Variants in MAOB observed in about 807,000 individuals in gnomAD.
MAOB encodes amine oxidase [flavin-containing] B.
A neutral mutation model predicts 41.9 loss-of-function variants in MAOB; 15 were observed. That is an observed-to-expected ratio of 0.36 (90% confidence interval 0.24 to 0.55). The LOEUF is 0.55. Ranked by LOEUF, MAOB falls within the 20% of genes least tolerant of loss-of-function variation. The probability of loss-of-function intolerance (pLI) is 0.86; values close to 1 mark genes in which losing one functional copy is unlikely to be tolerated. For synonymous variants in MAOB, 167 were observed against 144.2 expected (o/e 1.16, Z -1.13); for missense variants, 345 against 398.7 (o/e 0.87, Z 1.15).
chrX:43,805,616 C>T (rs1466854890), intron 3 of MAOB, among the ~76,000 whole-genome samples: 2 of 111,920 alleles, frequency 1.8e-5, no homozygotes, highest in African/African-American at 3.2e-5. Context: ...TCCAAGTTTC[C>T]GTTTGTTCCT....
rs141823756 is a variant in MAOB at position 43,842,358 on chromosome X, A to T, written c.141+1312T>A. On this transcript the variant is annotated intron_variant, in intron 2 of 14. Transcript: ENST00000378069. ...AAATCCAAATTAAAACCAAAATGAG[A>T]TATCACCTCACACCTGTTAAAATGG... Among the ~76,000 whole-genome samples the T allele has an allele frequency of 9.2e-3, 1,032 of 112,319 alleles. 13 individuals carry two copies. The highest frequency in any genetic ancestry group is 0.032 in the African/African-American group (986 of 30,955).
intron 12 of MAOB, among the ~76,000 whole-genome samples, chrX:43,774,797 G>T (rs1480911990): frequency 1.8e-5 from 2 of 111,524 alleles, no homozygotes; most frequent in African/African-American, 6.5e-5. Flanking sequence ...ACTCTTTTTT[G>T]ATTTTTAATT....
In MAOB at chrX:43,770,352, C is replaced by T. The variant is rs192797714; in HGVS notation, c.1236-934G>A. On this transcript the variant is annotated intron_variant, in intron 12 of 14. Coordinates refer to ENST00000378069, the MANE Select transcript of MAOB (RefSeq NM_000898.5). ...GCAGCCCAAGTTCTCCCTATGCCCA[C>T]TCCTGCTTCCTTCTCCCTTCCACAG... Among the ~76,000 whole-genome samples, 3 of 111,677 alleles carry T rather than the reference C, an allele frequency of 2.7e-5. 1 individual carries two copies. In the Admixed American group the frequency reaches 2.9e-4, roughly 11 times the overall value.
intron 3 of MAOB, among the ~76,000 whole-genome samples, chrX:43,830,379 C>T (rs1460362581): frequency 1.8e-5 from 2 of 111,263 alleles, no homozygotes; most frequent in Non-Finnish European, 3.8e-5. Flanking sequence ...TCAGCTAAGC[C>T]CAGTAATAGC....
intron 1 of MAOB, among the ~76,000 whole-genome samples, chrX:43,858,855 C>T (rs1355462891): frequency 9.0e-6 from 1 of 111,676 alleles, no homozygotes; most frequent in Non-Finnish European, 1.9e-5. Flanking sequence ...CCATGTCTGG[C>T]CAAAACGCAG....
chrX:43,831,899 C>T (rs1358440780), intron 3 of MAOB, among the ~76,000 whole-genome samples: 6 of 111,827 alleles, frequency 5.4e-5, no homozygotes, highest in Non-Finnish European at 1.1e-4. Flanking sequence ...TTCTCACCTT[C>T]TCTACATTCT....
chrX:43,876,640 G>A (rs914513988), intron 1 of MAOB, among the ~76,000 whole-genome samples: 9 of 111,750 alleles, frequency 8.1e-5, no homozygotes, highest in African/African-American at 1.6e-4. Context: ...CTTCCTCTTC[G>A]TATACAAATG....
intron 8 of MAOB, among the ~76,000 whole-genome samples, chrX:43,785,295 T>G (rs1569212084): frequency 8.9e-6 from 1 of 112,927 alleles, no homozygotes; most frequent in East Asian, 2.8e-4. Context: ...AGGAGGCTTC[T>G]TTCCTTAAAC....
Position 43,854,102 on chromosome X carries a change from A to G in MAOB, c.47-10338T>C, listed in dbSNP as rs766854162. Among the ~76,000 whole-genome samples the G allele has an allele frequency of 8.0e-5, 9 of 112,178 alleles. No individual in the cohort carries two copies. The East Asian group carries it at 2.2e-3, about 28-fold the overall frequency. ...TTCTTATGTTGTCAGTAGTGCTGAG[A>G]AGTTGGGAGAGGGTAAGAGAGCAGA... is the stretch of plus-strand genomic sequence containing the variant. On this transcript the variant is annotated intron_variant, in intron 1 of 14. Coordinates refer to ENST00000378069, the MANE Select transcript of MAOB (RefSeq NM_000898.5).
intron 11 of MAOB, 75 bp downstream of exon 11, chrX:43,778,607 A>G: frequency 1.2e-6 from 1 of 864,712 alleles, no homozygotes; most frequent in Non-Finnish European, 1.7e-6. Flanking sequence ...AACTTGCATT[A>G]ACCTATCCCT....
At chrX:43,877,881 T>C (rs1602040999) in intron 1 of MAOB, among the ~76,000 whole-genome samples, 1 of 112,698 alleles carries the variant, frequency 8.9e-6, no homozygotes, top group African/African-American at 3.2e-5. Flanking sequence ...TGGCGTCCTG[T>C]TGCCACCTTA....
At chrX:43,772,958 C>A (rs2034204363) in intron 12 of MAOB, among the ~76,000 whole-genome samples, 1 of 112,127 alleles carries the variant, frequency 8.9e-6, no homozygotes, top group Non-Finnish European at 1.9e-5. Context: ...GATGCCAGCA[C>A]CATGCTTGTA....
chrX:43,809,343 T>G (rs3027466), intron 3 of MAOB, among the ~76,000 whole-genome samples: 3,859 of 112,178 alleles, frequency 0.034, 177 homozygotes, highest in African/African-American at 0.12. Flanking sequence ...CTCAAGACTC[T>G]AAAACCAAAA....
At chrX:43,873,938 G>A (rs1168463056) in intron 1 of MAOB, among the ~76,000 whole-genome samples, 1 of 111,779 alleles carries the variant, frequency 8.9e-6, no homozygotes, top group Non-Finnish European at 1.9e-5. Flanking sequence ...GCTTCCCAAA[G>A]TGCTGGGATT....
intron 11 of MAOB, among the ~76,000 whole-genome samples, chrX:43,777,554 T>C (rs1164605344): frequency 2.7e-5 from 3 of 111,706 alleles, no homozygotes; most frequent in African/African-American, 6.5e-5. Context: ...AATTTTGCTT[T>C]AAAATAGTGA....
At chrX:43,879,395 G>T (rs764450708) in intron 1 of MAOB, among the ~76,000 whole-genome samples, 1 of 112,273 alleles carries the variant, frequency 8.9e-6, no homozygotes, top group South Asian at 3.8e-4. Context: ...ACAAAGCTTA[G>T]AACGCAGAGT....
intron 3 of MAOB, among the ~76,000 whole-genome samples, chrX:43,827,612 C>G (rs761811882): frequency 1.8e-5 from 2 of 111,634 alleles, no homozygotes; most frequent in Non-Finnish European, 3.8e-5. Context: ...TGACAGAGTC[C>G]TCCCAGATTC....
At chrX:43,851,378 T>G (rs1243798342) in intron 1 of MAOB, among the ~76,000 whole-genome samples, 1 of 111,198 alleles carries the variant, frequency 9.0e-6, no homozygotes, top group African/African-American at 3.3e-5. Flanking sequence ...TGGATGTACT[T>G]ATGGGGCACA....
At chrX:43,831,486 A>C (rs926752609) in intron 3 of MAOB, among the ~76,000 whole-genome samples, 1 of 110,995 alleles carries the variant, frequency 9.0e-6, no homozygotes, top group African/African-American at 3.3e-5. Context: ...AAGCATCTAC[A>C]AGATAGAAAA....
Sources: gnomAD v4.1 joint callset for allele counts (sites outside exome capture counted in the v4.1 genomes callset) on GRCh38, gnomAD v4.1.1 for gene constraint, MANE v1.5 for transcripts, NCBI Gene and HGNC (gene_info 2026-07-23, HGNC 2026-07-21) for gene names.